Variants in FKBP5 observed in about 807,000 individuals in gnomAD.
The protein encoded by FKBP5 is FKBP prolyl isomerase 5.
A neutral mutation model predicts 50.5 loss-of-function variants in FKBP5; 23 were observed. The ratio of observed to expected loss-of-function variants is 0.46; its 90% CI spans 0.33 to 0.65. FKBP5 has a LOEUF of 0.65. Ranked by LOEUF, FKBP5 falls within the 30% of genes least tolerant of loss-of-function variation. The probability of loss-of-function intolerance (pLI) is 0.02; values close to 1 mark genes in which losing one functional copy is unlikely to be tolerated. For missense variants in FKBP5, 411 were observed against 553.1 expected (o/e 0.74, Z 2.58); for synonymous variants, 176 against 190.6 (o/e 0.92, Z 0.63).
At chr6:35,638,212 C>A (rs1361085090) in intron 2 of FKBP5, among the ~76,000 whole-genome samples, 1 of 152,096 alleles carries the variant, frequency 6.6e-6, no homozygotes, top group African/African-American at 2.4e-5. Flanking sequence ...CCAAATTAAT[C>A]ATTTTTGGTA....
chr6:35,691,662 A>G (rs1307263347), upstream of FKBP5, among the ~76,000 whole-genome samples: 1 of 152,156 alleles, frequency 6.6e-6, no homozygotes, highest in Non-Finnish European at 1.5e-5. Context: ...CCACTCTCCC[A>G]GAAAACCACT....
chr6:35,593,900 AGGAAAGGAC>A (rs981781018), intron 6 of FKBP5, among the ~76,000 whole-genome samples: 62 of 152,240 alleles, frequency 4.1e-4, no homozygotes, highest in African/African-American at 1.4e-3. Flanking sequence ...CAGAAACATA[AGGAAAGGAC>A]GGAAAAAAAA....
intron 1 of FKBP5, among the ~76,000 whole-genome samples, chr6:35,654,508 A>AATACC (rs1224137917): frequency 3.3e-5 from 5 of 152,318 alleles, no homozygotes; most frequent in Middle Eastern, 3.4e-3. Context: ...ATTGTCTTTT[A>AATACC]ATACCATACC....
intron 2 of FKBP5, among the ~76,000 whole-genome samples, chr6:35,700,565 G>A (rs1766162390): frequency 6.6e-6 from 1 of 152,134 alleles, no homozygotes; most frequent in Non-Finnish European, 1.5e-5. Flanking sequence ...CAAAGGTATG[G>A]CTCAGCCTCT....
Position 35,642,710 on chromosome 6 carries a change from G to A in FKBP5, c.105+10C>T. The stretch of plus-strand genomic sequence containing the variant: ...GTTTCCTTGTATGTCACTCAGCTTT[G>A]TGGCCTCACCTTTAATACTCCCCTG... On this transcript the variant is annotated intron_variant, in intron 2 of 10. Coordinates refer to ENST00000357266, the MANE Select transcript of FKBP5 (RefSeq NM_004117.4). 2 of 1,605,528 alleles carry A rather than the reference G, an allele frequency of 1.2e-6. No homozygotes were observed. Among genetic ancestry groups the A allele is most frequent in the Non-Finnish European group, 8.5e-7 (1 of 1,173,178 alleles).
intron 1 of FKBP5, among the ~76,000 whole-genome samples, chr6:35,657,695 C>T (rs372101120): frequency 2.0e-5 from 3 of 152,188 alleles, no homozygotes; most frequent in East Asian, 1.9e-4. Context: ...TCTCTACCAC[C>T]GATACCTAAT....
At chr6:35,671,522 G>A in intron 1 of FKBP5, among the ~76,000 whole-genome samples, 1 of 151,862 alleles carries the variant, frequency 6.6e-6, no homozygotes, top group Non-Finnish European at 1.5e-5. Context: ...GAAGGAACAA[G>A]GTAGCCAAAT....
At chr6:35,592,171 G>A (rs1451387639) in intron 6 of FKBP5, among the ~76,000 whole-genome samples, 1 of 152,124 alleles carries the variant, frequency 6.6e-6, no homozygotes, top group Non-Finnish European at 1.5e-5. Context: ...TATATGAAAT[G>A]GTATTACAAA....
At chr6:35,711,137 T>C (rs1032082694) in intron 2 of FKBP5, among the ~76,000 whole-genome samples, 6 of 151,858 alleles carry the variant, frequency 4.0e-5, no homozygotes, top group Admixed American at 3.3e-4. Context: ...TTGGGCAACA[T>C]GGTGAAACTC....
chr6:35,630,323 C>T (rs989657817), intron 3 of FKBP5, among the ~76,000 whole-genome samples: 8 of 151,960 alleles, frequency 5.3e-5, no homozygotes, highest in African/African-American at 1.7e-4. Context: ...CCAAGGCAGG[C>T]GGATCACGAG....
At chr6:35,712,867 C>T (rs981994403) in intron 2 of FKBP5, among the ~76,000 whole-genome samples, 1 of 151,974 alleles carries the variant, frequency 6.6e-6, no homozygotes, top group African/African-American at 2.4e-5. Context: ...AGTAAACCTT[C>T]ATCACAGTTT....
At chr6:35,677,316 G>T (rs1459226115) in intron 1 of FKBP5, among the ~76,000 whole-genome samples, 1 of 151,834 alleles carries the variant, frequency 6.6e-6, no homozygotes, top group Non-Finnish European at 1.5e-5. Flanking sequence ...CTTGTGATCC[G>T]CCCGCCTCGG....
intron 2 of FKBP5, among the ~76,000 whole-genome samples, chr6:35,707,717 C>G (rs899420884): frequency 6.6e-6 from 1 of 152,138 alleles, no homozygotes; most frequent in Admixed American, 6.6e-5. Context: ...ACCCTCCACC[C>G]TCAAGTAAGC....
chr6:35,678,254 G>A (rs891902826), intron 1 of FKBP5, among the ~76,000 whole-genome samples: 1 of 151,924 alleles, frequency 6.6e-6, no homozygotes, highest in Non-Finnish European at 1.5e-5. Context: ...AGTGGGGAGG[G>A]GTCATGTTGG....
chr6:35,666,103 A>C (rs1765207026), intron 1 of FKBP5, among the ~76,000 whole-genome samples: 1 of 152,092 alleles, frequency 6.6e-6, no homozygotes, highest in Non-Finnish European at 1.5e-5. Context: ...TATATTACCT[A>C]ATGTATCATC....
At chr6:35,640,262 A>G (rs1201286274) in intron 2 of FKBP5, among the ~76,000 whole-genome samples, 1 of 152,238 alleles carries the variant, frequency 6.6e-6, no homozygotes, top group African/African-American at 2.4e-5. Context: ...GGTTTGGCCT[A>G]CTGCTCCAAG....
At position 35,651,296 on chromosome 6, in the gene FKBP5, C is replaced by T. The variant is rs372497821; in HGVS notation, c.-19-8453G>A. On this transcript the variant is annotated intron_variant, in intron 1 of 10. Coordinates refer to ENST00000357266, the MANE Select transcript of FKBP5 (RefSeq NM_004117.4). ...ATAGTTTAACATTAAACATGTATTA[C>T]TTTCATGATCTTTTTAAACTTAGGG... Among the ~76,000 whole-genome samples, 4 of 152,242 alleles carry T rather than the reference C, an allele frequency of 2.6e-5. No homozygotes were observed. In the East Asian group the frequency reaches 7.7e-4, roughly 29 times the overall value.
At chr6:35,724,101 T>C (rs575116810) in intron 1 of FKBP5, among the ~76,000 whole-genome samples, 2 of 152,282 alleles carry the variant, frequency 1.3e-5, no homozygotes, top group Admixed American at 6.5e-5. Flanking sequence ...GGGATTGACA[T>C]AATGGTGGTG....
At chr6:35,616,518 G>A (rs942273979) in intron 5 of FKBP5, among the ~76,000 whole-genome samples, 2 of 151,960 alleles carry the variant, frequency 1.3e-5, no homozygotes, top group Admixed American at 6.6e-5. Flanking sequence ...AGGAAGCTGT[G>A]TAAAGCATAT....
Sources: gnomAD v4.1 joint callset for allele counts (sites outside exome capture counted in the v4.1 genomes callset) on GRCh38, gnomAD v4.1.1 for gene constraint, MANE v1.5 for transcripts, NCBI Gene and HGNC (gene_info 2026-07-23, HGNC 2026-07-21) for gene names.